The following CSMD1 variants were observed in gnomAD, a reference collection of about 807,000 sequenced individuals.
CSMD1 encodes the protein CUB and sushi domain-containing protein 1.
In CSMD1, 213 loss-of-function variants were observed where a neutral mutation model predicts 417.5. That is an observed-to-expected ratio of 0.51 (90% CI 0.46 to 0.57). The LOEUF is 0.57. Ranked by LOEUF, CSMD1 falls within the 20% of genes least tolerant of loss-of-function variation. The probability of loss-of-function intolerance (pLI) is 0.00; values close to 1 mark genes in which losing one functional copy is unlikely to be tolerated. For missense variants in CSMD1, 6,923 were observed against 4,529.7 expected (o/e 1.53, Z -15.17); for synonymous variants, 2,862 against 1,736.8 (o/e 1.65, Z -16.11).
chr8:3,335,624 C>T (rs555728732), intron 23 of CSMD1, among the ~76,000 whole-genome samples: 2 of 152,224 alleles, frequency 1.3e-5, no homozygotes, highest in East Asian at 3.9e-4. Flanking sequence ...TGCAATGAGT[C>T]GAGCTCGTGC....
chr8:3,426,058 G>C (rs569394346), intron 12 of CSMD1, among the ~76,000 whole-genome samples: 138 of 152,280 alleles, frequency 9.1e-4, no homozygotes, highest in African/African-American at 2.7e-3. Context: ...AAATATTCTT[G>C]ATAATCTGTG....
intron 5 of CSMD1, among the ~76,000 whole-genome samples, chr8:3,867,760 C>T (rs1038779799): frequency 6.6e-6 from 1 of 152,116 alleles, no homozygotes; most frequent in Non-Finnish European, 1.5e-5. Flanking sequence ...GAACCCTCCT[C>T]CCAGGGCCAG....
intron 2 of CSMD1, among the ~76,000 whole-genome samples, chr8:4,468,647 C>A (rs944400678): frequency 5.3e-5 from 8 of 152,204 alleles, no homozygotes; most frequent in African/African-American, 1.9e-4. Flanking sequence ...CCATATCCTA[C>A]TAAACCTAGG....
intron 41 of CSMD1, among the ~76,000 whole-genome samples, chr8:3,130,036 A>C (rs1249058459): frequency 6.6e-6 from 1 of 152,160 alleles, no homozygotes; most frequent in African/African-American, 2.4e-5. Context: ...AATATTCAAA[A>C]TGTGGGAGAC....
rs1466867125 is a variant in CSMD1, at chr8:3,520,000, A to ATG, written c.1345-26276_1345-26275dup. On this transcript the variant is annotated intron_variant, in intron 10 of 69. Coordinates refer to ENST00000635120, the MANE Select transcript of CSMD1 (RefSeq NM_033225.6). The stretch of plus-strand genomic sequence containing the variant: ...AACTTCTTTATCTGTGTGCATATAT[A>ATG]TGTGTGTGTGTGTATATACCTATAT... Among the ~76,000 whole-genome samples, 918 of 147,988 alleles carry ATG rather than the reference A, an allele frequency of 6.2e-3. 12 individuals are homozygous for ATG. The highest frequency in any genetic ancestry group is 0.022 in the African/African-American group (861 of 39,460).
At chr8:4,478,281 A>G (rs1800907479) in intron 2 of CSMD1, among the ~76,000 whole-genome samples, 1 of 152,232 alleles carries the variant, frequency 6.6e-6, no homozygotes. Context: ...AAGGTTGAAA[A>G]TAGTAAAAAG....
chr8:4,801,667 G>C (rs192554302), intron 1 of CSMD1, among the ~76,000 whole-genome samples: 33 of 151,984 alleles, frequency 2.2e-4, no homozygotes, highest in East Asian at 3.9e-4. Context: ...TCCTCAGCCT[G>C]TCCAATAATG....
chr8:3,926,768 T>A lies in CSMD1; in HGVS notation c.818+71135A>T, dbSNP rs2627405. Reference sequence around the variant, plus strand: ...GTCCCGCTCTGTAGCCAGGGTGGAATGCAGTGTCGTGATCTCAGCTCACTG... The same window carrying A: ...GTCCCGCTCTGTAGCCAGGGTGGAAAGCAGTGTCGTGATCTCAGCTCACTG... On this transcript the variant is annotated intron_variant, in intron 5 of 69. Coordinates refer to ENST00000635120, the MANE Select transcript of CSMD1 (RefSeq NM_033225.6). Among the ~76,000 whole-genome samples, 91 of 144,166 alleles carry A rather than the reference T, an allele frequency of 6.3e-4. 1 individual carries two copies. Among genetic ancestry groups the A allele is most frequent in the Admixed American group, 5.0e-4 (7 of 14,132 alleles). The allele number at this position is 144,166 out of a possible 152,430, so 94.6% of individuals were successfully genotyped here.
At chr8:3,494,846 G>A (rs904592163) in intron 10 of CSMD1, among the ~76,000 whole-genome samples, 9 of 152,256 alleles carry the variant, frequency 5.9e-5, no homozygotes, top group East Asian at 1.9e-4. Context: ...CTGAAATAGC[G>A]TAGAAAAGTA....
In CSMD1 at chr8:4,770,361, T is replaced by TTA. The variant is rs969705284; in HGVS notation, c.86-132805_86-132804dup. On this transcript the variant is annotated intron_variant, in intron 1 of 69. Transcript: ENST00000635120. The stretch of plus-strand genomic sequence containing the variant: ...ATATATATAATATGTAATTAAGCTA[T>TTA]TATATATATATGTAGTACGTAATTA... 7.4e-5 allele frequency among the ~76,000 whole-genome samples: 11 copies of TTA among 148,470 alleles called. No homozygotes were observed. The Middle Eastern group carries it at 0.021, about 289-fold the overall frequency.
chr8:3,997,579 G>T (rs1212332360), intron 5 of CSMD1, among the ~76,000 whole-genome samples: 1 of 152,166 alleles, frequency 6.6e-6, no homozygotes, highest in African/African-American at 2.4e-5. Flanking sequence ...AAAAATCTCT[G>T]CTCACAGTGA....
chr8:3,411,464 T>TC (rs978846697), intron 12 of CSMD1, among the ~76,000 whole-genome samples: 2 of 151,710 alleles, frequency 1.3e-5, no homozygotes, highest in African/African-American at 4.8e-5. Flanking sequence ...TTTCCCCGAG[T>TC]CCCCAAGGTC....
chr8:3,507,020 A>T (rs142421991), intron 10 of CSMD1, among the ~76,000 whole-genome samples: 7 of 152,334 alleles, frequency 4.6e-5, no homozygotes, highest in African/African-American at 1.7e-4. Context: ...AGATGTTGTA[A>T]GAATTGAACA....
intron 1 of CSMD1, among the ~76,000 whole-genome samples, chr8:4,879,875 C>T (rs1803285304): frequency 6.6e-6 from 1 of 152,020 alleles, no homozygotes; most frequent in African/African-American, 2.4e-5. Context: ...ATCGATCAAT[C>T]AAATCAGTCA....
At chr8:4,732,292 C>G (rs116021378) in intron 1 of CSMD1, among the ~76,000 whole-genome samples, 1 of 151,294 alleles carries the variant, frequency 6.6e-6, no homozygotes, top group African/African-American at 2.4e-5. Context: ...TTCTAGAAAC[C>G]TTAATGTTAA....
At chr8:3,963,014 G>A (rs1018768959) in intron 5 of CSMD1, among the ~76,000 whole-genome samples, 3 of 152,064 alleles carry the variant, frequency 2.0e-5, no homozygotes, top group Non-Finnish European at 4.4e-5. Flanking sequence ...TCGGCTCACT[G>A]CAACCTCTGC....
Position 4,421,965 on chromosome 8 carries a change from A to T in CSMD1, c.303-1900T>A, listed in dbSNP as rs566844725. ...AAGAGTCACTGTCATTAAACATCAA[A>T]TATTACTATGAACTCAGAATTCATC... On this transcript the variant is annotated intron_variant, in intron 2 of 69. Transcript: ENST00000635120. Among the ~76,000 whole-genome samples, 6 of 152,176 alleles carry T rather than the reference A, an allele frequency of 3.9e-5. No individual in the cohort carries two copies. The East Asian group carries it at 1.2e-3, about 29-fold the overall frequency.
chr8:3,456,912 A>G (rs566215663), intron 12 of CSMD1, among the ~76,000 whole-genome samples: 53 of 152,058 alleles, frequency 3.5e-4, no homozygotes, highest in African/African-American at 1.3e-3. Flanking sequence ...TGTATTCTAC[A>G]CTTCATGCTG....
At chr8:4,387,692 C>A (rs753676325) in intron 3 of CSMD1, among the ~76,000 whole-genome samples, 1 of 149,122 alleles carries the variant, frequency 6.7e-6, no homozygotes, top group Non-Finnish European at 1.5e-5. Context: ...TACAAAGAGA[C>A]AGCCTTGAGG....
Sources: allele counts gnomAD v4.1 joint callset (sites outside exome capture counted in the v4.1 genomes callset), GRCh38; gene constraint gnomAD v4.1.1; transcripts MANE v1.5; gene names NCBI Gene and HGNC (gene_info 2026-07-23, HGNC 2026-07-21).